KCTD8: variants seen among roughly 807,000 people sequenced by gnomAD.
KCTD8 encodes the protein potassium channel tetramerization domain containing 8, also known as BTB/POZ domain-containing protein KCTD8.
KCTD8 carries 27 observed loss-of-function variants against 31.5 expected under a neutral mutation model. That is an observed-to-expected ratio of 0.86 (90% CI 0.63 to 1.18). KCTD8 has a LOEUF of 1.18. Ranked by LOEUF, KCTD8 falls within the 50% of genes most tolerant of loss-of-function variation. The pLI is 0.00. For missense variants in KCTD8, 658 were observed against 647.7 expected (o/e 1.02, Z -0.17); for synonymous variants, 290 against 280.0 (o/e 1.04, Z -0.36).
At chr4:44,397,855 T>G (rs953807957) in intron 1 of KCTD8, among the ~76,000 whole-genome samples, 1 of 152,122 alleles carries the variant, frequency 6.6e-6, no homozygotes, top group Non-Finnish European at 1.5e-5. Flanking sequence ...CAAGTAAAAT[T>G]TATTACAATT....
intron 1 of KCTD8, among the ~76,000 whole-genome samples, chr4:44,424,289 G>C (rs1185999658): frequency 6.6e-6 from 1 of 152,032 alleles, no homozygotes; most frequent in African/African-American, 2.4e-5. Flanking sequence ...CCATTTAGCT[G>C]TATTTGTCTC....
chr4:44,217,040 C>G (rs1230781415), intron 1 of KCTD8, among the ~76,000 whole-genome samples: 2 of 148,258 alleles, frequency 1.3e-5, no homozygotes, highest in Non-Finnish European at 3.0e-5. Context: ...TTTTAAAAAC[C>G]TAACCTTTAG....
At chr4:44,320,474 TA>T (rs1301914014) in intron 1 of KCTD8, among the ~76,000 whole-genome samples, 2 of 152,222 alleles carry the variant, frequency 1.3e-5, no homozygotes, top group African/African-American at 4.8e-5. Flanking sequence ...GAATACATGT[TA>T]TGATTCAGAT....
intron 1 of KCTD8, among the ~76,000 whole-genome samples, chr4:44,278,146 C>T (rs1359055886): frequency 1.3e-5 from 2 of 151,904 alleles, no homozygotes; most frequent in African/African-American, 4.8e-5. Flanking sequence ...TATCAAGAGT[C>T]TTTTACACAG....
chr4:44,311,190 C>T (rs1306453206), intron 1 of KCTD8, among the ~76,000 whole-genome samples: 1 of 152,054 alleles, frequency 6.6e-6, no homozygotes, highest in Non-Finnish European at 1.5e-5. Context: ...TCATTCTTCT[C>T]TTCCAAAATT....
intron 1 of KCTD8, among the ~76,000 whole-genome samples, chr4:44,442,406 G>A (rs916213851): frequency 6.6e-6 from 1 of 151,990 alleles, no homozygotes; most frequent in African/African-American, 2.4e-5. Flanking sequence ...GTCCAACACG[G>A]TGAAACCCCA....
At chr4:44,431,459 C>T (rs1196298882) in intron 1 of KCTD8, among the ~76,000 whole-genome samples, 1 of 151,452 alleles carries the variant, frequency 6.6e-6, no homozygotes, top group Non-Finnish European at 1.5e-5. Context: ...ATGATACAAA[C>T]ATTTTGATAC....
intron 1 of KCTD8, among the ~76,000 whole-genome samples, chr4:44,381,277 C>G (rs1181143850): frequency 1.3e-5 from 2 of 151,860 alleles, no homozygotes; most frequent in African/African-American, 4.8e-5. Context: ...ATTTACAAAA[C>G]CTCCTAGAAT....
At chr4:44,223,823 A>C (rs1470235100) in intron 1 of KCTD8, among the ~76,000 whole-genome samples, 4 of 152,188 alleles carry the variant, frequency 2.6e-5, no homozygotes, top group Admixed American at 6.5e-5. Flanking sequence ...CATTTTTATA[A>C]AGTTTTATTG....
chr4:44,287,157 C>T (rs1717103219), intron 1 of KCTD8, among the ~76,000 whole-genome samples: 1 of 152,056 alleles, frequency 6.6e-6, no homozygotes, highest in Non-Finnish European at 1.5e-5. Context: ...TGGCTCATGC[C>T]TATAATCCCA....
At position 44,394,906 on chromosome 4, in the gene KCTD8, A is replaced by G. The variant is rs550491199; in HGVS notation, c.961+52657T>C. Among the ~76,000 whole-genome samples the G allele has an allele frequency of 2.6e-5, 4 of 152,290 alleles. No homozygotes were observed. The South Asian group carries it at 8.3e-4, about 32-fold the overall frequency. ...GTAGGTCTTGTTCCAGTGACTCGACAATAGAGGCCTTAACTCTGTGATTAT... is the reference window on the plus strand; with the variant it reads ...GTAGGTCTTGTTCCAGTGACTCGACGATAGAGGCCTTAACTCTGTGATTAT... On this transcript the variant is annotated intron_variant, in intron 1 of 1. Coordinates refer to ENST00000360029, the MANE Select transcript of KCTD8 (RefSeq NM_198353.3).
chr4:44,390,260 T>C (rs767797380), intron 1 of KCTD8, among the ~76,000 whole-genome samples: 5 of 152,118 alleles, frequency 3.3e-5, no homozygotes, highest in Admixed American at 1.3e-4. Flanking sequence ...AGAACTTTTA[T>C]GGTTTCAGTT....
chr4:44,370,210 A>T (rs964165058), intron 1 of KCTD8, among the ~76,000 whole-genome samples: 18 of 152,100 alleles, frequency 1.2e-4, no homozygotes, highest in African/African-American at 4.4e-4. Flanking sequence ...AAATGGGGTT[A>T]CTTCCTGAAC....
At chr4:44,231,364 T>A (rs1337654044) in intron 1 of KCTD8, among the ~76,000 whole-genome samples, 1 of 152,200 alleles carries the variant, frequency 6.6e-6, no homozygotes, top group African/African-American at 2.4e-5. Flanking sequence ...AGCTTGGAAA[T>A]AATGTTGATG....
intron 1 of KCTD8, among the ~76,000 whole-genome samples, chr4:44,307,019 CAATATGT>C (rs1203569905): frequency 2.6e-5 from 4 of 151,940 alleles, no homozygotes; most frequent in Admixed American, 1.3e-4. Flanking sequence ...ACTCGCCATC[CAATATGT>C]AATTAATTGC....
rs368127220 is a variant in KCTD8, at chr4:44,327,588, G to T, written c.961+119975C>A. On this transcript the variant is annotated intron_variant, in intron 1 of 1. Transcript: ENST00000360029. ...GGAAGAACACCGAAGTCTGAGATAA[G>T]GTTACTTATCAATATCATTATTACT... Among the ~76,000 whole-genome samples, 119 of 151,652 alleles carry T rather than the reference G, an allele frequency of 7.8e-4. 1 individual carries two copies. The highest frequency in any genetic ancestry group is 2.8e-3 in the African/African-American group (115 of 41,280).
At chr4:44,211,710 T>C (rs1453164417) in intron 1 of KCTD8, among the ~76,000 whole-genome samples, 3 of 152,140 alleles carry the variant, frequency 2.0e-5, no homozygotes, top group Non-Finnish European at 2.9e-5. Context: ...CTTTATAAGA[T>C]AAAGCCATTT....
intron 1 of KCTD8, among the ~76,000 whole-genome samples, chr4:44,211,966 T>C (rs1714495857): frequency 6.6e-6 from 1 of 152,202 alleles, no homozygotes; most frequent in African/African-American, 2.4e-5. Flanking sequence ...TCCTCTTTTT[T>C]ACCTAATATA....
chr4:44,233,742 T>C (rs992862559), intron 1 of KCTD8, among the ~76,000 whole-genome samples: 5 of 152,326 alleles, frequency 3.3e-5, no homozygotes, highest in Admixed American at 6.5e-5. Context: ...TATTATTCTC[T>C]GAAAAAGAAA....
Sources: gnomAD v4.1 joint callset for allele counts (sites outside exome capture counted in the v4.1 genomes callset) on GRCh38, gnomAD v4.1.1 for gene constraint, MANE v1.5 for transcripts, NCBI Gene and HGNC (gene_info 2026-07-23, HGNC 2026-07-21) for gene names.